The following GFRAL variants were observed in gnomAD, a reference collection of about 807,000 sequenced individuals.
GFRAL encodes GDNF family receptor alpha-like.
Under a neutral mutation model 45.4 loss-of-function variants are expected in GFRAL, and 36 were observed. The ratio of observed to expected loss-of-function variants is 0.79; its 90% CI spans 0.61 to 1.05. The LOEUF (loss-of-function observed/expected upper bound fraction) is 1.05, where lower values mean the gene tolerates loss of function less well. Ranked by LOEUF, GFRAL falls within the 50% of genes least tolerant of loss-of-function variation. The probability of loss-of-function intolerance (pLI) is 0.00; values close to 1 mark genes in which losing one functional copy is unlikely to be tolerated. For synonymous variants in GFRAL, 166 were observed against 154.1 expected (o/e 1.08, Z -0.57); for missense variants, 507 against 467.5 (o/e 1.08, Z -0.78).
intron 6 of GFRAL, among the ~76,000 whole-genome samples, chr6:55,386,949 G>A (rs1768688257): frequency 6.6e-6 from 1 of 152,138 alleles, no homozygotes; most frequent in East Asian, 1.9e-4. Flanking sequence ...ACCCTCAACA[G>A]AAACAACAGG....
chr6:55,401,993 T>C lies in GFRAL; in HGVS notation c.*140T>C. 1.7e-6 allele frequency: 1 copy of C among 577,986 alleles called. No homozygotes were observed. Among genetic ancestry groups the C allele is most frequent in the Non-Finnish European group, 3.0e-6 (1 of 336,298 alleles). The allele number at this position is 577,986 out of a possible 1,614,324, so 35.8% of individuals were successfully genotyped here. A position where few individuals can be genotyped will look rare whatever the true frequency, so the allele number is the denominator to read the frequency against. ...TTCTTTTTCTTTTTCTTTTCTTTTT[T>C]GTGGCGGAGTTTTGCTCTTGTTGCC... On this transcript the variant is annotated 3_prime_UTR_variant, in exon 9 of 9. Coordinates refer to ENST00000340465, the MANE Select transcript of GFRAL (RefSeq NM_207410.2).
At chr6:55,346,379 A>T (rs186720386) in intron 3 of GFRAL, among the ~76,000 whole-genome samples, 2,167 of 152,322 alleles carry the variant, frequency 0.014, 24 homozygotes, top group Non-Finnish European at 0.024. Flanking sequence ...GGATGAGTTC[A>T]TGTCCTTTGT....
chr6:55,341,728 C>A (rs1264364256), intron 3 of GFRAL, among the ~76,000 whole-genome samples: 1 of 152,140 alleles, frequency 6.6e-6, no homozygotes, highest in Admixed American at 6.5e-5. Context: ...CTTCTCTGAG[C>A]TAAAGGAGGA....
At chr6:55,352,075 C>T (rs1768125762) in intron 5 of GFRAL, among the ~76,000 whole-genome samples, 1 of 151,970 alleles carries the variant, frequency 6.6e-6, no homozygotes, top group Non-Finnish European at 1.5e-5. Context: ...TAACCAGGTC[C>T]ACACACATTT....
At chr6:55,342,803 A>G (rs1421186773) in intron 3 of GFRAL, among the ~76,000 whole-genome samples, 1 of 152,154 alleles carries the variant, frequency 6.6e-6, no homozygotes, top group Non-Finnish European at 1.5e-5. Context: ...AGAGACACAC[A>G]TAGGCTCAAA....
intron 6 of GFRAL, among the ~76,000 whole-genome samples, chr6:55,374,187 G>A (rs898760426): frequency 1.3e-5 from 2 of 151,986 alleles, no homozygotes; most frequent in African/African-American, 4.8e-5. Context: ...CTTCACTATT[G>A]TGAATAGTGC....
At chr6:55,374,445 C>G (rs148536112) in intron 6 of GFRAL, among the ~76,000 whole-genome samples, 4 of 152,170 alleles carry the variant, frequency 2.6e-5, no homozygotes, top group Non-Finnish European at 5.9e-5. Flanking sequence ...AAGTGTCACT[C>G]CTTTCCTTTA....
rs1562047126 is a variant in GFRAL, at chr6:55,333,795, AC to A, written c.171del (p.Cys58AlafsTer3). On this transcript the variant is annotated frameshift_variant, in exon 3 of 9. Transcript: ENST00000340465. LOFTEE classifies it high-confidence loss of function. ...EDACNDSDPG[D>X]PCKMRNSSYC... ...TGTGTTTGATTGTGAGATCCAGGTG[AC>A]CCCTGCAAGATGAGGAATTCATCAT... The A allele has an allele frequency of 1.3e-6, 2 of 1,590,350 alleles. No homozygotes were observed. The highest frequency in any genetic ancestry group is 1.7e-6 in the Non-Finnish European group (2 of 1,169,506).
At chr6:55,382,831 C>G (rs1192251865) in intron 6 of GFRAL, among the ~76,000 whole-genome samples, 1 of 151,864 alleles carries the variant, frequency 6.6e-6, no homozygotes, top group Non-Finnish European at 1.5e-5. Flanking sequence ...ACATTTCTAA[C>G]TAAGAATGTT....
rs532887817 is a variant in GFRAL at position 55,348,729 on chromosome 6, A to G, written c.317-1363A>G. ...CCACTCTTATGACCTCTTTTAACCT[A>G]AAGACACCATCACCCCATAACTGCA... is the stretch of plus-strand genomic sequence containing the variant. On this transcript the variant is annotated intron_variant, in intron 3 of 8. Transcript: ENST00000340465. Among the ~76,000 whole-genome samples the G allele has an allele frequency of 9.2e-5, 14 of 152,144 alleles. No homozygotes were observed. In the South Asian group the frequency reaches 2.9e-3, roughly 32 times the overall value.
intron 6 of GFRAL, among the ~76,000 whole-genome samples, chr6:55,380,767 A>C (rs1768597965): frequency 6.6e-6 from 1 of 151,962 alleles, no homozygotes; most frequent in South Asian, 2.1e-4. Flanking sequence ...TAAGTAGTGA[A>C]TGAATGAATG....
chr6:55,365,089 T>C (rs1192572955), intron 6 of GFRAL, among the ~76,000 whole-genome samples: 1 of 151,616 alleles, frequency 6.6e-6, no homozygotes, highest in Non-Finnish European at 1.5e-5. Context: ...TGTTCTTCCA[T>C]TTGTTTGTAT....
intron 6 of GFRAL, among the ~76,000 whole-genome samples, chr6:55,396,797 T>TA (rs1483203523): frequency 2.0e-5 from 3 of 151,908 alleles, no homozygotes; most frequent in Admixed American, 6.6e-5. Context: ...ATCACAAAAG[T>TA]AAAAAATAAT....
At chr6:55,384,773 A>G (rs1768657460) in intron 6 of GFRAL, among the ~76,000 whole-genome samples, 1 of 151,908 alleles carries the variant, frequency 6.6e-6, no homozygotes, top group African/African-American at 2.4e-5. Flanking sequence ...TTCTTTGGTC[A>G]TGGCAGTTGG....
At chr6:55,356,003 T>G (rs1768189429) in intron 5 of GFRAL, among the ~76,000 whole-genome samples, 1 of 150,178 alleles carries the variant, frequency 6.7e-6, no homozygotes, top group African/African-American at 2.5e-5. Flanking sequence ...TGTCCTTCAT[T>G]TTGTTGATAT....
intron 5 of GFRAL, among the ~76,000 whole-genome samples, 170 bp downstream of exon 5, chr6:55,351,753 A>G (rs1298367723): frequency 1.3e-5 from 2 of 152,134 alleles, no homozygotes; most frequent in African/African-American, 2.4e-5. Flanking sequence ...CATATGCAGT[A>G]TCATCTGAAA....
intron 3 of GFRAL, among the ~76,000 whole-genome samples, chr6:55,334,342 G>T (rs1197843027): frequency 2.0e-5 from 3 of 152,162 alleles, no homozygotes; most frequent in Non-Finnish European, 4.4e-5. Context: ...TATCTTTGTT[G>T]TTAAGGAACT....
chr6:55,331,325 G>A (rs953693843), intron 1 of GFRAL, among the ~76,000 whole-genome samples: 6 of 152,054 alleles, frequency 3.9e-5, no homozygotes, highest in Non-Finnish European at 5.9e-5. Context: ...AGGGAGGGCT[G>A]GCAAAGGAAG....
chr6:55,338,328 G>A lies in GFRAL; in HGVS notation c.316+4384G>A, dbSNP rs1030750412. On this transcript the variant is annotated intron_variant, in intron 3 of 8. Transcript: ENST00000340465. ...TGGTCTTGAGCTCCTGACCTCAGGT[G>A]ATCTGCCAGCATCAAACTTCCAAAG... 1.3e-5 allele frequency among the ~76,000 whole-genome samples: 2 copies of A among 152,220 alleles called. 1 individual carries two copies. Among genetic ancestry groups the A allele is most frequent in the South Asian group, 4.1e-4 (2 of 4,824 alleles).
Sources: allele counts gnomAD v4.1 joint callset (sites outside exome capture counted in the v4.1 genomes callset), GRCh38; gene constraint gnomAD v4.1.1; transcripts MANE v1.5; gene names NCBI Gene and HGNC (gene_info 2026-07-23, HGNC 2026-07-21).